Variants in CADPS observed in about 807,000 individuals in gnomAD.
The protein encoded by CADPS is calcium dependent secretion activator.
In CADPS, 57 loss-of-function variants were observed where a neutral mutation model predicts 167.3. The observed-to-expected ratio is 0.34, with a 90% CI of 0.28 to 0.42. The LOEUF (loss-of-function observed/expected upper bound fraction) is 0.42. Ranked by LOEUF, CADPS falls within the 20% of genes least tolerant of loss-of-function variation. The probability of loss-of-function intolerance (pLI) is 1.00; values close to 1 mark genes in which losing one functional copy is unlikely to be tolerated. For synonymous variants in CADPS, 676 were observed against 635.3 expected, an observed-to-expected ratio of 1.06 and a Z score of -0.96; for missense variants, 1,414 against 1,738.1, an observed-to-expected ratio of 0.81 and a Z score of 3.32.
intron 24 of CADPS, chr3:62,470,832 G>T (rs1189841573): frequency 6.6e-6 from 1 of 152,058 alleles, no homozygotes; most frequent in Non-Finnish European, 1.5e-5. Context: ...GTCTAGATGT[G>T]TGTGTGTGTG....
chr3:62,759,427 G>C (rs2084817461), intron 2 of CADPS, among the ~76,000 whole-genome samples: 2 of 152,172 alleles, frequency 1.3e-5, no homozygotes. Flanking sequence ...AGATGTCCAT[G>C]ATATATGGTT....
chr3:62,626,318 C>T lies in CADPS; in HGVS notation c.1325+19404G>A, dbSNP rs770495181. The stretch of plus-strand genomic sequence containing the variant: ...TTACTAATTCCATCTTTCTCATTCA[C>T]GTCACTTTGCAAGCTGGCACGGATT... On this transcript the variant is annotated intron_variant, in intron 6 of 29. Coordinates refer to ENST00000383710, the MANE Select transcript of CADPS (RefSeq NM_003716.4). 3.3e-5 allele frequency: 15 copies of T among 451,374 alleles called. 1 individual carries two copies. The highest frequency in any genetic ancestry group is 2.4e-4 in the Admixed American group (6 of 24,928). The allele number at this position is 451,374 out of a possible 1,614,324, so 28.0% of individuals were successfully genotyped here.
In CADPS at chr3:62,712,692, T is replaced by A. The variant is rs373618912; in HGVS notation, c.888+40749A>T. On this transcript the variant is annotated intron_variant, in intron 3 of 29. Transcript: ENST00000383710. ...AAAATCCTTTTGGAATGAGGCAGGG[T>A]TATAAATAAAATGCACTTTTAAAAA... Among the ~76,000 whole-genome samples, 3 of 152,314 alleles carry A rather than the reference T, an allele frequency of 2.0e-5. No homozygotes were observed. The East Asian group carries it at 5.8e-4, about 29-fold the overall frequency.
intron 21 of CADPS, among the ~76,000 whole-genome samples, chr3:62,483,285 T>C (rs2062278692): frequency 7.9e-6 from 1 of 126,364 alleles, no homozygotes; most frequent in Non-Finnish European, 1.6e-5. Context: ...GAGCTGCCTC[T>C]GGGCTTGCTT....
chr3:62,473,297 A>T (rs145946330), intron 24 of CADPS, among the ~76,000 whole-genome samples: 1 of 152,224 alleles, frequency 6.6e-6, no homozygotes, highest in Non-Finnish European at 1.5e-5. Context: ...CAGGAAGAGA[A>T]TACCACCAAC....
chr3:62,598,782 T>A (rs1288675409), intron 6 of CADPS, among the ~76,000 whole-genome samples: 3 of 152,212 alleles, frequency 2.0e-5, no homozygotes, highest in East Asian at 3.9e-4. Flanking sequence ...TTGCCTCCCT[T>A]GCTCATTCCA....
chr3:62,740,136 G>T (rs1661158926), intron 3 of CADPS, among the ~76,000 whole-genome samples: 1 of 152,184 alleles, frequency 6.6e-6, no homozygotes, highest in Admixed American at 6.5e-5. Context: ...TTCGGAGTTG[G>T]CTTAGCTGGG....
rs770021634 is a variant in CADPS, at chr3:62,650,831, G to T, written c.1203+16C>A. The T allele has an allele frequency of 6.2e-6, 10 of 1,602,456 alleles. No individual in the cohort carries two copies. The highest frequency in any genetic ancestry group is 4.3e-6 in the Non-Finnish European group (5 of 1,169,746). ...TTGCTGTGCCAAGAAACTTTCAAGG[G>T]CTCAGGGCTTTTTACCTCCAATGAG... On this transcript the variant is annotated intron_variant, in intron 5 of 29. Coordinates refer to ENST00000383710, the MANE Select transcript of CADPS (RefSeq NM_003716.4).
chr3:62,430,629 A>C (rs2053729424), intron 28 of CADPS, among the ~76,000 whole-genome samples: 1 of 152,114 alleles, frequency 6.6e-6, no homozygotes, highest in African/African-American at 2.4e-5. Flanking sequence ...TCTGCCAAGG[A>C]AACTTAACTC....
At chr3:62,580,585 T>TA (rs149549303) in intron 8 of CADPS, among the ~76,000 whole-genome samples, 13,131 of 124,930 alleles carry the variant, frequency 0.11, 1,234 homozygotes, top group African/African-American at 0.28. Context: ...TAAAGTATAA[T>TA]AAAAAAAAAT....
chr3:62,863,587 T>C (rs1042139957), intron 1 of CADPS, among the ~76,000 whole-genome samples: 1 of 152,148 alleles, frequency 6.6e-6, no homozygotes, highest in Non-Finnish European at 1.5e-5. Flanking sequence ...TTAAGTGGCT[T>C]AATGGGCTGA....
At chr3:62,428,756 C>T (rs78303517) in intron 28 of CADPS, among the ~76,000 whole-genome samples, 6,827 of 152,208 alleles carry the variant, frequency 0.045, 221 homozygotes, top group African/African-American at 0.089. Context: ...TTTTCTAGTT[C>T]GTGCAGATCA....
intron 1 of CADPS, among the ~76,000 whole-genome samples, chr3:62,854,017 C>T (rs1021289948): frequency 1.3e-5 from 2 of 152,044 alleles, no homozygotes; most frequent in African/African-American, 2.4e-5. Context: ...AGATTGAATT[C>T]TCTCATGTTG....
intron 1 of CADPS, among the ~76,000 whole-genome samples, chr3:62,857,183 G>A (rs1332848362): frequency 6.6e-6 from 1 of 151,902 alleles, no homozygotes. Context: ...GTGAAACAAA[G>A]AATATAAAGA....
At chr3:62,746,489 A>C (rs1399426092) in intron 3 of CADPS, among the ~76,000 whole-genome samples, 1 of 152,054 alleles carries the variant, frequency 6.6e-6, no homozygotes. Flanking sequence ...GGTACATGCC[A>C]CCATGCCTGG....
At chr3:62,697,087 T>A (rs2080444340) in intron 3 of CADPS, among the ~76,000 whole-genome samples, 1 of 152,116 alleles carries the variant, frequency 6.6e-6, no homozygotes, top group Non-Finnish European at 1.5e-5. Context: ...TCATGGGATC[T>A]TGGGCAAATT....
intron 6 of CADPS, 73 bp downstream of exon 6, chr3:62,645,649 C>A (rs1458151700): frequency 3.9e-6 from 6 of 1,535,112 alleles, no homozygotes; most frequent in Admixed American, 1.8e-5. Context: ...CAGATCTTTA[C>A]CTTGGAGTTG....
intron 3 of CADPS, among the ~76,000 whole-genome samples, chr3:62,749,143 T>C (rs1298199078): frequency 6.6e-6 from 1 of 152,256 alleles, no homozygotes; most frequent in Non-Finnish European, 1.5e-5. Context: ...ATTTCTTCTA[T>C]GAGATTTATC....
At chr3:62,460,503 A>G (rs1490497543) in intron 26 of CADPS, among the ~76,000 whole-genome samples, 1 of 152,218 alleles carries the variant, frequency 6.6e-6, no homozygotes, top group African/African-American at 2.4e-5. Context: ...GTGAAATGCC[A>G]TCAGAGAAAA....
Sources: allele counts gnomAD v4.1 joint callset (sites outside exome capture counted in the v4.1 genomes callset), GRCh38; gene constraint gnomAD v4.1.1; transcripts MANE v1.5; gene names NCBI Gene and HGNC (gene_info 2026-07-23, HGNC 2026-07-21).